FUT8: variants seen among roughly 807,000 people sequenced by gnomAD.
FUT8 encodes the protein alpha-(1,6)-fucosyltransferase.
FUT8 carries 29 observed loss-of-function variants against 71.3 expected under a neutral mutation model. That is an observed-to-expected ratio of 0.41 (90% CI 0.30 to 0.55). The LOEUF is 0.55. Among genes scored for constraint, FUT8 ranks in the 20% least tolerant of loss-of-function variants. The probability of loss-of-function intolerance (pLI) is 0.34; values close to 1 mark genes in which losing one functional copy is unlikely to be tolerated. For synonymous variants in FUT8, 254 were observed against 239.3 expected (o/e 1.06, Z -0.57); for missense variants, 544 against 702.1 (o/e 0.77, Z 2.55).
At chr14:65,592,296 T>C (rs1392871142) in intron 3 of FUT8, among the ~76,000 whole-genome samples, 2 of 152,076 alleles carry the variant, frequency 1.3e-5, no homozygotes, top group African/African-American at 4.8e-5. Flanking sequence ...AAAGAATGAC[T>C]AGATTTGAGT....
chr14:65,564,196 C>T (rs960984770), intron 3 of FUT8, among the ~76,000 whole-genome samples: 1 of 151,940 alleles, frequency 6.6e-6, no homozygotes, highest in African/African-American at 2.4e-5. Flanking sequence ...ATTTTGTACT[C>T]AATTTGCTAT....
At chr14:65,520,469 T>C (rs1883005033) in intron 2 of FUT8, among the ~76,000 whole-genome samples, 1 of 152,174 alleles carries the variant, frequency 6.6e-6, no homozygotes, top group Admixed American at 6.5e-5. Flanking sequence ...TAGTACGGAA[T>C]GTTAAATTAT....
chr14:65,459,376 A>G (rs977785721), intron 2 of FUT8, among the ~76,000 whole-genome samples: 73 of 152,182 alleles, frequency 4.8e-4, no homozygotes, highest in African/African-American at 1.7e-3. Flanking sequence ...GTTACAAAAT[A>G]AAAAAATTTA....
At chr14:65,694,918 A>T (rs919992377) in intron 7 of FUT8, among the ~76,000 whole-genome samples, 1 of 149,896 alleles carries the variant, frequency 6.7e-6, no homozygotes, top group African/African-American at 2.5e-5. Context: ...GGGGAGGGAT[A>T]GCTTTAGGAG....
In FUT8 at chr14:65,413,642, A is replaced by G. The variant is rs534552453; in HGVS notation, c.-326+428A>G. ...GGAGTCGCGGTTTGTGGGGAGGAAG[A>G]TGCCCGTGCGTTATGGGCTCTTTCT... On this transcript the variant is annotated intron_variant, in intron 1 of 10. Transcript: ENST00000673929. This position sits in a 1 kb window ranked among gnomAD's most constrained non-coding sequence, Gnocchi z 4.1. 1.6e-4 allele frequency among the ~76,000 whole-genome samples: 25 copies of G among 152,126 alleles called. No homozygotes were observed. Among genetic ancestry groups the G allele is most frequent in the Non-Finnish European group, 2.6e-4 (18 of 68,014 alleles).
rs184254397 is a variant in FUT8 at position 65,686,676 on chromosome 14, T to C, written c.835+17196T>C. 5.9e-4 allele frequency among the ~76,000 whole-genome samples: 90 copies of C among 152,312 alleles called. 1 individual carries two copies. Among genetic ancestry groups the C allele is most frequent in the African/African-American group, 1.5e-3 (64 of 41,588 alleles). ...AGAGGAGGTTGATTGTCAGTTTGAT[T>C]TAAGTCTTAAAAGTTCATCAATTAG... is the stretch of plus-strand genomic sequence containing the variant. On this transcript the variant is annotated intron_variant, in intron 7 of 10. Transcript: ENST00000673929.
At chr14:65,695,141 A>G (rs1304414004) in intron 7 of FUT8, among the ~76,000 whole-genome samples, 2 of 151,718 alleles carry the variant, frequency 1.3e-5, no homozygotes, top group African/African-American at 2.4e-5. Context: ...TGTGCATTCT[A>G]CTGTGGCTAG....
At chr14:65,703,012 T>C (rs1453177597) in intron 7 of FUT8, among the ~76,000 whole-genome samples, 1 of 152,244 alleles carries the variant, frequency 6.6e-6, no homozygotes, top group Non-Finnish European at 1.5e-5. Context: ...CCCAAAGTGC[T>C]GGGATTACAG....
Position 65,521,198 on chromosome 14 carries a change from T to TA in FUT8, c.-227-40138dup, listed in dbSNP as rs372777437. Reference sequence around the variant, plus strand: ...TAGTGATATTCTATTTTAAATGCTTTATATGTTTAAATAATTTAGAAGAAG... The same window carrying TA: ...TAGTGATATTCTATTTTAAATGCTTTAATATGTTTAAATAATTTAGAAGAAG... On this transcript the variant is annotated intron_variant, in intron 2 of 10. Transcript: ENST00000673929. 6.4e-3 allele frequency among the ~76,000 whole-genome samples: 970 copies of TA among 152,256 alleles called. 17 individuals are homozygous for TA. Among genetic ancestry groups the TA allele is most frequent in the African/African-American group, 0.022 (903 of 41,566 alleles).
intron 3 of FUT8, among the ~76,000 whole-genome samples, chr14:65,609,076 C>T (rs1189291296): frequency 1.3e-5 from 2 of 151,812 alleles, no homozygotes; most frequent in Admixed American, 6.6e-5. Flanking sequence ...GGGTGGATCA[C>T]CTGAGGTCAG....
Position 65,692,459 on chromosome 14 carries a change from AC to A in FUT8, c.835+22986del, listed in dbSNP as rs1566898986. 3.3e-3 allele frequency among the ~76,000 whole-genome samples: 197 copies of A among 59,234 alleles called. 13 individuals are homozygous for A. Among genetic ancestry groups the A allele is most frequent in the Admixed American group, 4.8e-3 (27 of 5,640 alleles). 38.9% of individuals were successfully genotyped at this position (59,234 alleles called of 152,430 possible). ...GGGCGGCTGGCCGGGCGGGGGGCTG[AC>A]CCCCCCACCTCCCTCCCAGACGGGG... On this transcript the variant is annotated intron_variant, in intron 7 of 10. Transcript: ENST00000673929.
chr14:65,439,993 T>TAC lies in FUT8; in HGVS notation c.-325-15618_-325-15617dup, dbSNP rs561969182. The stretch of plus-strand genomic sequence containing the variant: ...ATATATATATATATATATATATATG[T>TAC]ACACACACACAGTGGAATACTGTTC... On this transcript the variant is annotated intron_variant, in intron 1 of 10. Transcript: ENST00000673929. Among the ~76,000 whole-genome samples, 647 of 138,118 alleles carry TAC rather than the reference T, an allele frequency of 4.7e-3. 12 individuals carry two copies. Among genetic ancestry groups the TAC allele is most frequent in the Middle Eastern group, 0.015 (4 of 264 alleles). The allele number at this position is 138,118 out of a possible 152,430, so 90.6% of individuals were successfully genotyped here.
upstream of FUT8, among the ~76,000 whole-genome samples, chr14:65,407,409 C>CT (rs1044467418): frequency 1.4e-4 from 21 of 152,054 alleles, no homozygotes; most frequent in Middle Eastern, 6.8e-3. Flanking sequence ...ACAGATAATA[C>CT]TTTTTTTTCT....
At chr14:65,446,264 G>A (rs1480856912) in intron 1 of FUT8, among the ~76,000 whole-genome samples, 2 of 152,166 alleles carry the variant, frequency 1.3e-5, no homozygotes, top group Non-Finnish European at 2.9e-5. Context: ...CATACTAATA[G>A]TGCAGTTTAA....
chr14:65,630,104 A>C (rs1185638482), intron 6 of FUT8, among the ~76,000 whole-genome samples: 1 of 152,172 alleles, frequency 6.6e-6, no homozygotes, highest in African/African-American at 2.4e-5. Flanking sequence ...CCATATGATA[A>C]GTGTGGCAGT....
intron 2 of FUT8, among the ~76,000 whole-genome samples, chr14:65,495,293 G>A (rs1320644143): frequency 6.6e-6 from 1 of 151,870 alleles, no homozygotes; most frequent in Non-Finnish European, 1.5e-5. Context: ...TGAAAAGTTA[G>A]GTAATTGAGA....
At chr14:65,494,566 A>G (rs1425844316) in intron 2 of FUT8, among the ~76,000 whole-genome samples, 1 of 152,138 alleles carries the variant, frequency 6.6e-6, no homozygotes, top group African/African-American at 2.4e-5. Context: ...CAGAGAATCT[A>G]CTCAGGAGGG....
chr14:65,598,448 C>T (rs1322309044), intron 3 of FUT8, among the ~76,000 whole-genome samples: 2 of 152,124 alleles, frequency 1.3e-5, no homozygotes, highest in Non-Finnish European at 2.9e-5. Flanking sequence ...GTCTCGAACT[C>T]CTGACCTTGT....
chr14:65,361,792 AAAC>A, the FUT8 span, among the ~76,000 whole-genome samples: 1 of 121,876 alleles, frequency 8.2e-6, no homozygotes, highest in Non-Finnish European at 1.9e-5. Context: ...GTCTCAAAGA[AAAC>A]AAACAAACAA....
Sources: allele counts gnomAD v4.1 joint callset (sites outside exome capture counted in the v4.1 genomes callset), GRCh38; gene constraint gnomAD v4.1.1; non-coding constraint Gnocchi (gnomAD v3.1); transcripts MANE v1.5; gene names NCBI Gene and HGNC (gene_info 2026-07-23, HGNC 2026-07-21).